The following USH2A variants were observed in gnomAD, a reference collection of about 807,000 sequenced individuals.
USH2A encodes usherin.
USH2A carries 443 observed loss-of-function variants against 538.9 expected under a neutral mutation model. The observed-to-expected ratio is 0.82, with a 90% CI of 0.76 to 0.89. The LOEUF is 0.89. Ranked by LOEUF, USH2A falls within the 40% of genes least tolerant of loss-of-function variation. The pLI is 0.00. For synonymous variants in USH2A, 2,413 were observed against 2,273.5 expected (o/e 1.06, Z -1.75); for missense variants, 6,633 against 6,324.8 (o/e 1.05, Z -1.65).
chr1:216,121,737 T>C (rs943722322), intron 21 of USH2A, among the ~76,000 whole-genome samples: 1 of 152,204 alleles, frequency 6.6e-6, no homozygotes, highest in East Asian at 1.9e-4. Context: ...CCCTCTACTT[T>C]TGGCTGAGTG....
intron 10 of USH2A, among the ~76,000 whole-genome samples, chr1:216,291,099 T>C (rs1271279418): frequency 6.6e-6 from 1 of 152,112 alleles, no homozygotes; most frequent in Non-Finnish European, 1.5e-5. Flanking sequence ...AACAAGTAAC[T>C]CATTATGCCC....
At chr1:216,312,218 C>T (rs2102638710) in intron 9 of USH2A, among the ~76,000 whole-genome samples, 1 of 151,808 alleles carries the variant, frequency 6.6e-6, no homozygotes, top group East Asian at 1.9e-4. Context: ...ACTTTTCTTG[C>T]TTGCATGCTT....
chr1:216,030,817 AT>A (rs1250487150), intron 32 of USH2A, among the ~76,000 whole-genome samples: 8 of 151,182 alleles, frequency 5.3e-5, no homozygotes, highest in African/African-American at 1.5e-4. Context: ...CTAGGTATTA[AT>A]TTTTTTAATC....
At chr1:215,883,873 T>C (rs1664983240) in intron 41 of USH2A, among the ~76,000 whole-genome samples, 1 of 152,246 alleles carries the variant, frequency 6.6e-6, no homozygotes, top group African/African-American at 2.4e-5. Flanking sequence ...TTCAATCATT[T>C]AGTCTTCTAT....
chr1:215,771,474 G>A (rs1482239642), intron 55 of USH2A, among the ~76,000 whole-genome samples: 1 of 149,548 alleles, frequency 6.7e-6, no homozygotes, highest in Non-Finnish European at 1.5e-5. Flanking sequence ...CAGCTACTTG[G>A]GAGGCTGAGG....
chr1:215,732,549 T>C (rs1198772660), intron 60 of USH2A, among the ~76,000 whole-genome samples: 306 of 28,348 alleles, frequency 0.011, 5 homozygotes, highest in Admixed American at 0.09. Context: ...TCTTTCTTTT[T>C]TTTTTTTTTT....
intron 62 of USH2A, among the ~76,000 whole-genome samples, chr1:215,677,262 C>G (rs1408121615): frequency 1.3e-5 from 2 of 152,156 alleles, no homozygotes; most frequent in African/African-American, 4.8e-5. Flanking sequence ...CCATCCCTTC[C>G]TCCTTCCCCA....
chr1:216,379,518 C>T lies in USH2A; in HGVS notation c.652-14433G>A, dbSNP rs576109910. Among the ~76,000 whole-genome samples the T allele has an allele frequency of 1.3e-4, 19 of 151,954 alleles. 1 individual carries two copies. The South Asian group carries it at 4.0e-3, about 32-fold the overall frequency. ...AGTATATACAAGTGCTACTTAAGTG[C>T]TTTATTCATGATGCACTTGAGATCT... is the stretch of plus-strand genomic sequence containing the variant. On this transcript the variant is annotated intron_variant, in intron 3 of 71. Coordinates refer to ENST00000307340, the MANE Select transcript of USH2A (RefSeq NM_206933.4).
At chr1:215,636,473 C>T (rs781474216) in intron 69 of USH2A, among the ~76,000 whole-genome samples, 4 of 152,220 alleles carry the variant, frequency 2.6e-5, no homozygotes, top group Admixed American at 1.3e-4. Flanking sequence ...GGTCGAAATT[C>T]CCCTAATTAG....
In USH2A at chr1:215,653,487, A is replaced by G. The variant is rs61828162; in HGVS notation, c.14134-2686T>C. Among the ~76,000 whole-genome samples the G allele has an allele frequency of 5.8e-3, 890 of 152,304 alleles. 2 individuals carry two copies. The highest frequency in any genetic ancestry group is 9.1e-3 in the Non-Finnish European group (621 of 68,020). ...AACATGCTTATGCAAAGCAGGATCA[A>G]CCTATTTACATGAGCTACTGTGAAA... On this transcript the variant is annotated intron_variant, in intron 64 of 71. Transcript: ENST00000307340.
At chr1:216,064,852 G>A (rs576378604) in intron 30 of USH2A, among the ~76,000 whole-genome samples, 2 of 152,258 alleles carry the variant, frequency 1.3e-5, no homozygotes, top group South Asian at 4.1e-4. Flanking sequence ...ATTGCAAGGT[G>A]ATGAAATCTC....
intron 32 of USH2A, among the ~76,000 whole-genome samples, chr1:216,037,658 A>G (rs2030049728): frequency 1.3e-5 from 2 of 152,090 alleles, no homozygotes; most frequent in African/African-American, 4.8e-5. Context: ...TTTGGCACCC[A>G]CTAAGTAGAA....
chr1:215,715,750 T>C (rs1323783922), intron 61 of USH2A, among the ~76,000 whole-genome samples: 1 of 152,220 alleles, frequency 6.6e-6, no homozygotes, highest in African/African-American at 2.4e-5. Context: ...GGCATTTACT[T>C]GTTTTTTATA....
intron 55 of USH2A, among the ~76,000 whole-genome samples, chr1:215,773,392 G>A (rs1661347251): frequency 6.6e-6 from 1 of 151,958 alleles, no homozygotes; most frequent in South Asian, 2.1e-4. Context: ...GAACCAATCT[G>A]TGAGCCCTAT....
chr1:216,089,799 GC>G (rs1246569072), intron 22 of USH2A, among the ~76,000 whole-genome samples: 1 of 150,988 alleles, frequency 6.6e-6, no homozygotes, highest in South Asian at 2.1e-4. Flanking sequence ...ACAGAGTTTA[GC>G]AAATAGGAGG....
chr1:216,249,707 T>A (rs555503523), intron 12 of USH2A, among the ~76,000 whole-genome samples: 4 of 152,292 alleles, frequency 2.6e-5, no homozygotes, highest in African/African-American at 7.2e-5. Context: ...CACACCTACA[T>A]TCTCTTTATT....
chr1:215,766,581 T>G (rs890302067), intron 56 of USH2A, 100 bp downstream of exon 56: 38 of 1,126,508 alleles, frequency 3.4e-5, no homozygotes, highest in South Asian at 2.2e-4. Context: ...CTATCAACTT[T>G]ATTGCCTCTT....
rs151072824 is a variant in USH2A, at chr1:216,302,717, C to T, written c.1645-10347G>A. ...TAATATAAGTGGCTATTTTTAGAAACATTCTAATTCAAGTAATGCCTAGTC... is the reference window on the plus strand; with the variant it reads ...TAATATAAGTGGCTATTTTTAGAAATATTCTAATTCAAGTAATGCCTAGTC... On this transcript the variant is annotated intron_variant, in intron 9 of 71. Transcript: ENST00000307340. Among the ~76,000 whole-genome samples the T allele has an allele frequency of 3.5e-3, 526 of 152,110 alleles. 1 individual carries two copies. The highest frequency in any genetic ancestry group is 6.1e-3 in the Non-Finnish European group (414 of 67,914).
intron 70 of USH2A, among the ~76,000 whole-genome samples, chr1:215,632,517 G>C (rs1195243473): frequency 6.6e-6 from 1 of 152,180 alleles, no homozygotes; most frequent in Non-Finnish European, 1.5e-5. Flanking sequence ...TGCCTATAGG[G>C]ACTGGGTCAA....
Sources: gnomAD v4.1 joint callset for allele counts (sites outside exome capture counted in the v4.1 genomes callset) on GRCh38, gnomAD v4.1.1 for gene constraint, MANE v1.5 for transcripts, NCBI Gene and HGNC (gene_info 2026-07-23, HGNC 2026-07-21) for gene names.